CARNMT1: variants seen among roughly 807,000 people sequenced by gnomAD.
CARNMT1 encodes protein-L-histidine N-pros-methyltransferase CARNMT1.
A neutral mutation model predicts 49.6 loss-of-function variants in CARNMT1; 28 were observed. The ratio of observed to expected loss-of-function variants is 0.56; its 90% CI spans 0.42 to 0.77. The LOEUF (loss-of-function observed/expected upper bound fraction) is 0.77. CARNMT1 is among the 30% of genes least tolerant of loss of function. The pLI is 0.00. For missense variants in CARNMT1, 421 were observed against 512.6 expected (o/e 0.82, Z 1.73); for synonymous variants, 178 against 175.0 (o/e 1.02, Z -0.13).
intron 1 of CARNMT1, among the ~76,000 whole-genome samples, chr9:75,023,873 A>T (rs1822448300): frequency 6.6e-6 from 1 of 152,224 alleles, no homozygotes; most frequent in Admixed American, 6.5e-5. Context: ...CCTTTTAAGA[A>T]ACTCTGCCAA....
At chr9:74,992,685 A>G (rs1221594843) in intron 6 of CARNMT1, among the ~76,000 whole-genome samples, 2 of 152,226 alleles carry the variant, frequency 1.3e-5, no homozygotes, top group Non-Finnish European at 2.9e-5. Context: ...GGGTAGTGTT[A>G]AAGAGTCCAT....
rs543007733 is a variant in CARNMT1 at position 74,983,470 on chromosome 9, A to G, written c.*297T>C. The G allele has an allele frequency of 2.2e-5, 5 of 229,128 alleles. No individual in the cohort carries two copies. Among genetic ancestry groups the G allele is most frequent in the Non-Finnish European group, 4.3e-5 (5 of 117,550 alleles). 14.2% of individuals were successfully genotyped at this position (229,128 alleles called of 1,614,324 possible). A position where few individuals can be genotyped will look rare whatever the true frequency, so the allele number is the denominator to read the frequency against. ...TTGCAATGGACAGCATCATGAAGACACTGGAGATTAGGTTTTTTTCCTACT... is the reference window on the plus strand; with the variant it reads ...TTGCAATGGACAGCATCATGAAGACGCTGGAGATTAGGTTTTTTTCCTACT... On this transcript the variant is annotated 3_prime_UTR_variant, in exon 8 of 8. Coordinates refer to ENST00000376834, the MANE Select transcript of CARNMT1 (RefSeq NM_152420.3).
Position 75,028,206 on chromosome 9 carries a change from G to C in CARNMT1, c.36C>G (p.Ser12=). 1 of 1,447,838 alleles carries C rather than the reference G, an allele frequency of 6.9e-7. No individual in the cohort carries two copies. The highest frequency in any genetic ancestry group is 1.5e-5 in the African/African-American group (1 of 67,094). 89.7% of individuals were successfully genotyped at this position (1,447,838 alleles called of 1,614,324 possible). A position where few individuals can be genotyped will look rare whatever the true frequency, so the allele number is the denominator to read the frequency against. The stretch of plus-strand genomic sequence containing the variant: ...CTCCCCCGCAGCCCTCGGGCAGCCG[G>C]GAGGTGGGCGGCGGAGGGCGACGCC... ...QRRRRPPPPT[S]RLPEGCGGGG... The change falls in exon 1 of 8, where the codon TCC becomes TCG. Residue 12 remains serine (S), a synonymous_variant. Coordinates refer to ENST00000376834, the MANE Select transcript of CARNMT1 (RefSeq NM_152420.3).
At chr9:74,996,639 G>A (rs1241874192) in intron 5 of CARNMT1, 79 bp from the exon 6 acceptor site, 1 of 769,370 alleles carries the variant, frequency 1.3e-6, no homozygotes, top group East Asian at 2.6e-5. Flanking sequence ...AAATCTGCCA[G>A]TTACCTTTTA....
At position 74,983,648 on chromosome 9, in the gene CARNMT1, A is replaced by G. The variant is rs1057401019; in HGVS notation, c.*119T>C. 12 of 563,568 alleles carry G rather than the reference A, an allele frequency of 2.1e-5. No homozygotes were observed. Among genetic ancestry groups the G allele is most frequent in the South Asian group, 5.9e-5 (2 of 34,038 alleles). 34.9% of individuals were successfully genotyped at this position (563,568 alleles called of 1,614,324 possible). On this transcript the variant is annotated 3_prime_UTR_variant, in exon 8 of 8. Coordinates refer to ENST00000376834, the MANE Select transcript of CARNMT1 (RefSeq NM_152420.3). ...ACACTATTTCTAAATTTCGTTAGGA[A>G]TAAGAAGGCACCACTGATTTGAGGT... is the stretch of plus-strand genomic sequence containing the variant.
chr9:75,020,799 G>A (rs1822324893), intron 1 of CARNMT1, among the ~76,000 whole-genome samples: 2 of 152,164 alleles, frequency 1.3e-5, no homozygotes, highest in African/African-American at 4.8e-5. Context: ...GGGATAAGGT[G>A]AAGAGATCAA....
intron 1 of CARNMT1, among the ~76,000 whole-genome samples, chr9:75,021,796 G>T (rs1208404795): frequency 1.3e-5 from 2 of 152,048 alleles, no homozygotes; most frequent in Non-Finnish European, 2.9e-5. Context: ...AAATGAGCCA[G>T]GCGTGGTGGT....
Position 75,020,181 on chromosome 9 carries a change from AT to A in CARNMT1, c.231-2734del, listed in dbSNP as rs572029717. Among the ~76,000 whole-genome samples the A allele has an allele frequency of 4.6e-3, 698 of 151,910 alleles. 4 individuals are homozygous for A. Among genetic ancestry groups the A allele is most frequent in the Middle Eastern group, 0.014 (4 of 294 alleles). Reference sequence around the variant, plus strand: ...CCTTACATTTTATATCTATATATGTATGTGTATATGTTTAAATGTTCTTTGG... The same window carrying A: ...CCTTACATTTTATATCTATATATGTAGTGTATATGTTTAAATGTTCTTTGG... On this transcript the variant is annotated intron_variant, in intron 1 of 7. Coordinates refer to ENST00000376834, the MANE Select transcript of CARNMT1 (RefSeq NM_152420.3).
intron 3 of CARNMT1, among the ~76,000 whole-genome samples, chr9:75,004,622 A>C (rs1279314243): frequency 6.6e-6 from 1 of 152,222 alleles, no homozygotes; most frequent in Admixed American, 6.5e-5. Context: ...CTTTTTAAAA[A>C]TGAGTTCTCC....
chr9:75,018,213 C>T (rs1833906076), intron 1 of CARNMT1, among the ~76,000 whole-genome samples: 1 of 152,030 alleles, frequency 6.6e-6, no homozygotes, highest in South Asian at 2.1e-4. Context: ...AGTCATGTGC[C>T]ACCACACTTG....
chr9:75,021,324 T>C (rs1822349356), intron 1 of CARNMT1, among the ~76,000 whole-genome samples: 1 of 145,318 alleles, frequency 6.9e-6, no homozygotes, highest in Non-Finnish European at 1.5e-5. Flanking sequence ...ACCATATATA[T>C]TATATATAGT....
intron 3 of CARNMT1, among the ~76,000 whole-genome samples, chr9:75,007,068 A>G (rs11999206): frequency 0.055 from 8,369 of 152,256 alleles, 435 homozygotes; most frequent in East Asian, 0.26. Context: ...GTACATTTCT[A>G]TTAAAAGCCT....
chr9:75,010,010 T>G (rs1833637500), intron 3 of CARNMT1: 2 of 151,964 alleles, frequency 1.3e-5, no homozygotes, highest in African/African-American at 4.8e-5. Flanking sequence ...AGAGTATATG[T>G]GTAGGGGTGT....
intron 3 of CARNMT1, among the ~76,000 whole-genome samples, chr9:75,000,505 C>T (rs1255192581): frequency 1.3e-5 from 2 of 152,114 alleles, no homozygotes; most frequent in African/African-American, 4.8e-5. Context: ...TACCTACTAG[C>T]ACCACACTGC....
chr9:75,027,163 GTTGAT>G, intron 1 of CARNMT1: 1 of 1,276,890 alleles, frequency 7.8e-7, no homozygotes, highest in Non-Finnish European at 1.0e-6. Context: ...TGAAAATCCA[GTTGAT>G]TTAAGTCCCT....
In CARNMT1 at chr9:74,984,445, T is replaced by C. The variant is rs149260107; in HGVS notation, c.1128+462A>G. Among the ~76,000 whole-genome samples, 312 of 152,278 alleles carry C rather than the reference T, an allele frequency of 2.0e-3. 1 individual carries two copies. Among genetic ancestry groups the C allele is most frequent in the African/African-American group, 7.0e-3 (291 of 41,546 alleles). On this transcript the variant is annotated intron_variant, in intron 7 of 7. Coordinates refer to ENST00000376834, the MANE Select transcript of CARNMT1 (RefSeq NM_152420.3). ...ATGTACACATTATCCCAAATCCTTA[T>C]AATTCTGAAAACTAAGGAACACAGG...
At chr9:75,027,030 C>T (rs1280926416) in intron 1 of CARNMT1, 9 of 1,264,320 alleles carry the variant, frequency 7.1e-6, no homozygotes, top group Non-Finnish European at 9.4e-6. Context: ...ACAGCAGGAA[C>T]CCACCTATGG....
At chr9:74,998,406 T>C (rs1833258217) in intron 5 of CARNMT1, among the ~76,000 whole-genome samples, 192 bp downstream of exon 5, 1 of 152,224 alleles carries the variant, frequency 6.6e-6, no homozygotes. Context: ...ATTTCTTGAC[T>C]GTAGATATCT....
At chr9:75,016,090 C>T in intron 3 of CARNMT1, 178 bp downstream of exon 3, 1 of 445,686 alleles carries the variant, frequency 2.2e-6, no homozygotes, top group Non-Finnish European at 3.9e-6. Flanking sequence ...AAAAATTATT[C>T]AAAATAACAA....
Sources: allele counts gnomAD v4.1 joint callset (sites outside exome capture counted in the v4.1 genomes callset), GRCh38; gene constraint gnomAD v4.1.1; transcripts MANE v1.5; gene names NCBI Gene and HGNC (gene_info 2026-07-23, HGNC 2026-07-21).